The following KCNQ5 variants were observed in gnomAD, a reference collection of about 807,000 sequenced individuals.
KCNQ5 encodes potassium voltage-gated channel subfamily KQT member 5.
A neutral mutation model predicts 98.2 loss-of-function variants in KCNQ5; 30 were observed. The ratio of observed to expected loss-of-function variants is 0.31; its 90% CI spans 0.23 to 0.41. The LOEUF is 0.41. Among genes scored for constraint, KCNQ5 ranks in the 10% least tolerant of loss-of-function variants. The probability of loss-of-function intolerance (pLI) is 1.00; values close to 1 mark genes in which losing one functional copy is unlikely to be tolerated. For missense variants in KCNQ5, 835 were observed against 1,182.5 expected (o/e 0.71, Z 4.31); for synonymous variants, 458 against 449.4 (o/e 1.02, Z -0.24).
At chr6:73,074,731 A>G (rs1221205895) in intron 3 of KCNQ5, among the ~76,000 whole-genome samples, 1 of 143,038 alleles carries the variant, frequency 7.0e-6, no homozygotes, top group Non-Finnish European at 1.5e-5. Context: ...AGTCATTGTA[A>G]GGATTAAATA....
intron 10 of KCNQ5, among the ~76,000 whole-genome samples, chr6:73,137,632 C>T (rs1776524182): frequency 6.6e-6 from 1 of 152,036 alleles, no homozygotes; most frequent in Non-Finnish European, 1.5e-5. Flanking sequence ...GTTCTAAATT[C>T]TTTACCTCTA....
chr6:72,705,757 C>T (rs1769044914), intron 1 of KCNQ5, among the ~76,000 whole-genome samples: 1 of 151,884 alleles, frequency 6.6e-6, no homozygotes, highest in Admixed American at 6.6e-5. Context: ...CACAAAAGAG[C>T]TGTCAGATTT....
intron 1 of KCNQ5, among the ~76,000 whole-genome samples, chr6:72,960,025 C>T (rs925694079): frequency 5.3e-5 from 8 of 152,176 alleles, no homozygotes; most frequent in African/African-American, 1.2e-4. Context: ...CTTTGATACA[C>T]GCTATTTTGC....
chr6:72,834,826 G>A (rs1349084560), intron 1 of KCNQ5, among the ~76,000 whole-genome samples: 1 of 152,034 alleles, frequency 6.6e-6, no homozygotes. Context: ...ATGGCTCTCA[G>A]ATGGAATGTA....
chr6:72,996,689 C>A (rs1769317764), intron 1 of KCNQ5, among the ~76,000 whole-genome samples: 1 of 152,128 alleles, frequency 6.6e-6, no homozygotes, highest in Non-Finnish European at 1.5e-5. Context: ...CTGTATTCCC[C>A]AGCAAGAATG....
At chr6:73,124,831 A>G (rs1775882502) in intron 9 of KCNQ5, among the ~76,000 whole-genome samples, 1 of 151,086 alleles carries the variant, frequency 6.6e-6, no homozygotes, top group African/African-American at 2.4e-5. Context: ...GTATTCAAAT[A>G]TGGTAATCTA....
chr6:72,803,883 G>A (rs1774805397), intron 1 of KCNQ5, among the ~76,000 whole-genome samples: 1 of 151,864 alleles, frequency 6.6e-6, no homozygotes, highest in African/African-American at 2.4e-5. Flanking sequence ...ATCTTCCTTT[G>A]AATAACTTAA....
At chr6:72,685,527 T>C (rs1363300019) in intron 1 of KCNQ5, among the ~76,000 whole-genome samples, 3 of 152,172 alleles carry the variant, frequency 2.0e-5, no homozygotes, top group Non-Finnish European at 4.4e-5. Context: ...TATCCTTGCA[T>C]TTTTTATATC....
At position 72,622,653 on chromosome 6, in the gene KCNQ5, G is replaced by T; in HGVS notation, c.398+66G>T. On this transcript the variant is annotated intron_variant, in intron 1 of 13. Transcript: ENST00000370398. This position sits in a 1 kb window ranked among gnomAD's most constrained non-coding sequence, Gnocchi z 6.0. ...CACTGTCCCTGGCCCCCTGGGGCGT[G>T]CTCCGCGCTCGCGCCCTTGGGCCCC... The T allele has an allele frequency of 8.3e-6, 13 of 1,572,738 alleles. No individual in the cohort carries two copies. The highest frequency in any genetic ancestry group is 1.1e-5 in the Non-Finnish European group (13 of 1,158,276).
chr6:72,628,092 G>A (rs536018388), intron 1 of KCNQ5, among the ~76,000 whole-genome samples: 1 of 152,090 alleles, frequency 6.6e-6, no homozygotes, highest in Non-Finnish European at 1.5e-5. Flanking sequence ...TAAATATTAA[G>A]TGCCTAACAA....
At chr6:73,177,745 G>A (rs985680028) in intron 11 of KCNQ5, among the ~76,000 whole-genome samples, 11 of 152,178 alleles carry the variant, frequency 7.2e-5, no homozygotes, top group Non-Finnish European at 1.2e-4. Context: ...AGACATTCTT[G>A]ACAGCCAATC....
intron 2 of KCNQ5, among the ~76,000 whole-genome samples, chr6:73,031,429 C>G (rs996142295): frequency 3.9e-5 from 6 of 152,162 alleles, no homozygotes; most frequent in African/African-American, 1.4e-4. Context: ...ATTTTTCCAC[C>G]TCCAGCTAGC....
At chr6:73,174,333 G>A (rs1480603572) in intron 11 of KCNQ5, among the ~76,000 whole-genome samples, 1 of 152,100 alleles carries the variant, frequency 6.6e-6, no homozygotes, top group Non-Finnish European at 1.5e-5. Flanking sequence ...TCAAAATACT[G>A]TGAAACCTGT....
intron 10 of KCNQ5, chr6:73,136,159 A>G (rs1243509495): frequency 6.6e-6 from 1 of 152,198 alleles, no homozygotes; most frequent in Non-Finnish European, 1.5e-5. Context: ...CTGGTTTCAC[A>G]CTGCATTAGA....
At chr6:72,623,300 G>A (rs1420183733) in intron 1 of KCNQ5, among the ~76,000 whole-genome samples, 2 of 152,142 alleles carry the variant, frequency 1.3e-5, no homozygotes, top group Non-Finnish European at 2.9e-5. Context: ...CAGGAACGCG[G>A]GCGGAGGTGC....
chr6:72,900,594 A>G (rs1270531838), intron 1 of KCNQ5, among the ~76,000 whole-genome samples: 3 of 151,144 alleles, frequency 2.0e-5, no homozygotes, highest in Non-Finnish European at 4.4e-5. Flanking sequence ...TGCAGTTGCG[A>G]ATTGTGCTGC....
intron 1 of KCNQ5, among the ~76,000 whole-genome samples, chr6:72,681,369 C>G (rs6926943): frequency 6.6e-6 from 1 of 152,020 alleles, no homozygotes; most frequent in African/African-American, 2.4e-5. Context: ...CACGTTACCT[C>G]TTAGCATCAC....
intron 12 of KCNQ5, among the ~76,000 whole-genome samples, chr6:73,191,755 A>G (rs1414890023): frequency 1.3e-5 from 2 of 152,334 alleles, no homozygotes; most frequent in East Asian, 3.9e-4. Context: ...ATAATGACCC[A>G]GACCTTGTAG....
chr6:73,102,585 A>G (rs986370598), intron 5 of KCNQ5, among the ~76,000 whole-genome samples: 1 of 152,196 alleles, frequency 6.6e-6, no homozygotes, highest in Admixed American at 6.6e-5. Context: ...CAAAAAATCT[A>G]AATAGATATT....
Sources: gnomAD v4.1 joint callset for allele counts (sites outside exome capture counted in the v4.1 genomes callset) on GRCh38, gnomAD v4.1.1 for gene constraint, Gnocchi (gnomAD v3.1) non-coding constraint, MANE v1.5 for transcripts, NCBI Gene and HGNC (gene_info 2026-07-23, HGNC 2026-07-21) for gene names.